Variants in NECAB1 observed in about 807,000 individuals in gnomAD.
NECAB1 encodes N-terminal EF-hand calcium binding protein 1.
In NECAB1, 29 loss-of-function variants were observed where a neutral mutation model predicts 57.5. The ratio of observed to expected loss-of-function variants is 0.50; its 90% confidence interval spans 0.38 to 0.69. NECAB1 has a LOEUF of 0.69. NECAB1 is among the 30% of genes least tolerant of loss of function. The probability of loss-of-function intolerance (pLI) is 0.00; values close to 1 mark genes in which losing one functional copy is unlikely to be tolerated. For missense variants in NECAB1, 372 were observed against 413.8 expected (o/e 0.90, Z 0.88); for synonymous variants, 142 against 147.7 (o/e 0.96, Z 0.28).
chr8:90,838,119 C>T (rs910771785), intron 3 of NECAB1, among the ~76,000 whole-genome samples: 2 of 151,760 alleles, frequency 1.3e-5, no homozygotes, highest in Non-Finnish European at 2.9e-5. Flanking sequence ...GTTGAATGTA[C>T]GAAAAATTAT....
chr8:90,853,744 G>A (rs752233974), intron 3 of NECAB1, among the ~76,000 whole-genome samples: 6 of 152,104 alleles, frequency 3.9e-5, no homozygotes, highest in Non-Finnish European at 8.8e-5. Context: ...TTTGGTCAAG[G>A]TCCAGTTGCT....
chr8:90,918,649 C>T (rs1810033866), intron 6 of NECAB1, among the ~76,000 whole-genome samples: 1 of 152,136 alleles, frequency 6.6e-6, no homozygotes, highest in Non-Finnish European at 1.5e-5. Context: ...GAAGACAAGA[C>T]TTGAACTGGA....
chr8:90,821,353 G>T (rs959304395), intron 2 of NECAB1, among the ~76,000 whole-genome samples: 1 of 151,834 alleles, frequency 6.6e-6, no homozygotes, highest in Non-Finnish European at 1.5e-5. Flanking sequence ...TATGACTGTG[G>T]CTCCTGAGCA....
At chr8:90,825,842 T>C (rs1262937442) in intron 3 of NECAB1, among the ~76,000 whole-genome samples, 1 of 151,886 alleles carries the variant, frequency 6.6e-6, no homozygotes, top group Non-Finnish European at 1.5e-5. Context: ...ACAGTATTCA[T>C]GGGTAACTAT....
intron 6 of NECAB1, among the ~76,000 whole-genome samples, chr8:90,921,278 C>T (rs887201775): frequency 6.6e-6 from 1 of 152,060 alleles, no homozygotes; most frequent in Admixed American, 6.6e-5. Flanking sequence ...CAGCCTCCAA[C>T]GTGTGGGATT....
chr8:90,925,460 G>A, intron 6 of NECAB1, 75 bp from the exon 7 acceptor site: 10 of 1,519,332 alleles, frequency 6.6e-6, no homozygotes, highest in East Asian at 4.7e-5. Flanking sequence ...TATGACTGAC[G>A]CATGAAGATC....
At chr8:90,856,239 T>A (rs1045889048) in intron 3 of NECAB1, among the ~76,000 whole-genome samples, 5 of 152,200 alleles carry the variant, frequency 3.3e-5, no homozygotes, top group African/African-American at 1.2e-4. Flanking sequence ...GAATAACTGG[T>A]TTCCAATCTA....
At chr8:90,879,070 A>AATATATATTATATATATTATATATATAAT (rs1563514695) in intron 4 of NECAB1, among the ~76,000 whole-genome samples, 1 of 142,568 alleles carries the variant, frequency 7.0e-6, no homozygotes, top group Admixed American at 7.2e-5. Flanking sequence ...TCTTATATAT[A>AATATATATTATATATATTATATATATAAT]ATATATATTA....
intron 4 of NECAB1, among the ~76,000 whole-genome samples, chr8:90,877,254 G>A (rs1381553948): frequency 6.6e-6 from 1 of 152,120 alleles, no homozygotes; most frequent in Non-Finnish European, 1.5e-5. Context: ...TCCTAGTTGT[G>A]TGATGAAATC....
intron 3 of NECAB1, among the ~76,000 whole-genome samples, chr8:90,833,481 G>A (rs1047000215): frequency 6.6e-6 from 1 of 151,856 alleles, no homozygotes; most frequent in African/African-American, 2.4e-5. Context: ...AGGTATACAT[G>A]TGCCACGGTG....
intron 8 of NECAB1, among the ~76,000 whole-genome samples, chr8:90,932,506 A>G (rs1458618929): frequency 3.3e-5 from 5 of 152,232 alleles, no homozygotes; most frequent in Non-Finnish European, 7.3e-5. Flanking sequence ...TAGGGGGTTG[A>G]AAACTCCAAA....
chr8:90,876,290 G>A (rs1808725417), intron 4 of NECAB1, among the ~76,000 whole-genome samples: 1 of 152,052 alleles, frequency 6.6e-6, no homozygotes, highest in African/African-American at 2.4e-5. Flanking sequence ...GAGAGTTTGC[G>A]TGTCGCTTAT....
Position 90,940,552 on chromosome 8 carries a change from C to T in NECAB1, c.748-234C>T, listed in dbSNP as rs993976866. The T allele has an allele frequency of 5.6e-5, 25 of 443,688 alleles. 1 individual carries two copies. The highest frequency in any genetic ancestry group is 5.9e-4 in the Middle Eastern group (1 of 1,688). 27.5% of individuals were successfully genotyped at this position (443,688 alleles called of 1,614,324 possible). On this transcript the variant is annotated intron_variant, in intron 9 of 12. Transcript: ENST00000417640. Reference sequence around the variant, plus strand: ...GAATCACTGCTTTTAAAGGGAAACACGTCATTGTAAAGAACACGTTGTTTA... The same window carrying T: ...GAATCACTGCTTTTAAAGGGAAACATGTCATTGTAAAGAACACGTTGTTTA...
chr8:90,869,899 T>C (rs1347518451), intron 3 of NECAB1, among the ~76,000 whole-genome samples: 2 of 152,152 alleles, frequency 1.3e-5, no homozygotes, highest in African/African-American at 4.8e-5. Flanking sequence ...ATGGTTTGGC[T>C]TTCTGTCTCC....
At chr8:90,870,020 A>ATCTCAC (rs1404123839) in intron 3 of NECAB1, among the ~76,000 whole-genome samples, 67 of 152,148 alleles carry the variant, frequency 4.4e-4, no homozygotes, top group African/African-American at 1.4e-3. Context: ...GATAGTGAGT[A>ATCTCAC]AGGTCTCACA....
intron 2 of NECAB1, among the ~76,000 whole-genome samples, chr8:90,821,547 C>T (rs1039136873): frequency 6.6e-6 from 1 of 151,780 alleles, no homozygotes; most frequent in Non-Finnish European, 1.5e-5. Flanking sequence ...CATTTGCATT[C>T]CCTCTGCCTG....
intron 5 of NECAB1, among the ~76,000 whole-genome samples, chr8:90,893,011 C>A (rs907086830): frequency 6.6e-6 from 1 of 152,178 alleles, no homozygotes. Flanking sequence ...GCCATTTGCA[C>A]TTCTCTGAGT....
intron 1 of NECAB1, among the ~76,000 whole-genome samples, chr8:90,792,427 C>G (rs1018687900): frequency 6.6e-6 from 1 of 152,174 alleles, no homozygotes; most frequent in Non-Finnish European, 1.5e-5. Context: ...GAGATGCCCT[C>G]GTTATCCTCC....
chr8:90,904,920 CAA>C (rs1227561138), intron 5 of NECAB1, among the ~76,000 whole-genome samples: 1 of 151,990 alleles, frequency 6.6e-6, no homozygotes, highest in Non-Finnish European at 1.5e-5. Context: ...AATCCATACA[CAA>C]AAATCAATCC....
Sources: allele counts gnomAD v4.1 joint callset (sites outside exome capture counted in the v4.1 genomes callset), GRCh38; gene constraint gnomAD v4.1.1; transcripts MANE v1.5; gene names NCBI Gene and HGNC (gene_info 2026-07-23, HGNC 2026-07-21).